Variants in MOB3B observed in about 807,000 individuals in gnomAD.
The protein encoded by MOB3B is MOB kinase activator 3B.
In MOB3B, 7 loss-of-function variants were observed where a neutral mutation model predicts 18.7. The observed-to-expected ratio is 0.37, with a 90% CI of 0.21 to 0.70. The LOEUF is 0.70. Ranked by LOEUF, MOB3B falls within the 30% of genes least tolerant of loss-of-function variation. The pLI is 0.52. For missense variants in MOB3B, 253 were observed against 281.3 expected, an observed-to-expected ratio of 0.90 and a Z score of 0.72; for synonymous variants, 111 against 99.9, an observed-to-expected ratio of 1.11 and a Z score of -0.66.
intron 2 of MOB3B, among the ~76,000 whole-genome samples, chr9:27,406,029 A>G (rs1229222885): frequency 6.6e-6 from 1 of 152,220 alleles, no homozygotes; most frequent in Non-Finnish European, 1.5e-5. Flanking sequence ...AAGAATGCCT[A>G]CTTTCATCAC....
At chr9:27,330,750 G>A (rs1438316544) in intron 3 of MOB3B, 134 bp from the exon 4 acceptor site, 2 of 1,315,606 alleles carry the variant, frequency 1.5e-6, no homozygotes, top group East Asian at 2.5e-5. Context: ...CATGAATAAG[G>A]CTTAGCATGA....
At chr9:27,485,293 A>G (rs1303919715) in intron 1 of MOB3B, among the ~76,000 whole-genome samples, 1 of 152,224 alleles carries the variant, frequency 6.6e-6, no homozygotes, top group African/African-American at 2.4e-5. Flanking sequence ...CTGGCAAGGT[A>G]GGGACTGTGG....
intron 1 of MOB3B, among the ~76,000 whole-genome samples, chr9:27,482,499 T>C (rs1272577526): frequency 6.6e-6 from 1 of 152,208 alleles, no homozygotes. Flanking sequence ...CACCTTAAGT[T>C]ACTCTTTGAG....
intron 1 of MOB3B, among the ~76,000 whole-genome samples, chr9:27,459,412 T>C (rs1819244954): frequency 6.6e-6 from 1 of 152,174 alleles, no homozygotes; most frequent in African/African-American, 2.4e-5. Flanking sequence ...GTGATCTTGT[T>C]AGAAATGTAG....
chr9:27,379,667 G>A (rs1160128119), intron 2 of MOB3B, among the ~76,000 whole-genome samples: 1 of 152,126 alleles, frequency 6.6e-6, no homozygotes, highest in Non-Finnish European at 1.5e-5. Flanking sequence ...GTCCAAGGCA[G>A]GTTCTGAACA....
chr9:27,488,435 T>C (rs959352822), intron 1 of MOB3B, among the ~76,000 whole-genome samples: 1 of 152,194 alleles, frequency 6.6e-6, no homozygotes, highest in East Asian at 1.9e-4. Context: ...TGAGATGGTG[T>C]CTCGCTCTGT....
intron 2 of MOB3B, among the ~76,000 whole-genome samples, chr9:27,393,082 T>C (rs1262995932): frequency 6.6e-6 from 1 of 152,196 alleles, no homozygotes; most frequent in Admixed American, 6.5e-5. Context: ...CTGACGGAGT[T>C]TCACATTAGA....
At chr9:27,460,983 C>T (rs1176320166) in intron 1 of MOB3B, among the ~76,000 whole-genome samples, 3 of 152,142 alleles carry the variant, frequency 2.0e-5, no homozygotes, top group East Asian at 1.9e-4. Context: ...TCACTGAGGC[C>T]GCTGGGATAC....
intron 2 of MOB3B, chr9:27,421,756 T>TGA (rs1419925890): frequency 1.3e-5 from 2 of 152,292 alleles, no homozygotes; most frequent in African/African-American, 4.8e-5. Flanking sequence ...AGAACCTTGG[T>TGA]ATTCACTCTT....
intron 1 of MOB3B, among the ~76,000 whole-genome samples, chr9:27,521,290 G>A (rs76452808): frequency 0.027 from 4,044 of 152,300 alleles, 93 homozygotes; most frequent in African/African-American, 0.055. Flanking sequence ...GAAATTTGGG[G>A]TGAGAGGGCT....
intron 2 of MOB3B, among the ~76,000 whole-genome samples, chr9:27,414,855 C>A (rs938212109): frequency 6.6e-6 from 1 of 151,950 alleles, no homozygotes; most frequent in South Asian, 2.1e-4. Context: ...ATACTCTAAC[C>A]GCAGTTTTAT....
intron 1 of MOB3B, among the ~76,000 whole-genome samples, chr9:27,507,160 C>A (rs1309694910): frequency 2.0e-5 from 3 of 152,038 alleles, no homozygotes; most frequent in Non-Finnish European, 4.4e-5. Context: ...GTTATGATTC[C>A]TCTTTTGCTG....
intron 1 of MOB3B, among the ~76,000 whole-genome samples, chr9:27,492,650 A>G (rs1200980476): frequency 1.3e-5 from 2 of 152,242 alleles, no homozygotes; most frequent in Non-Finnish European, 2.9e-5. Flanking sequence ...GTTTACAGCA[A>G]TTACTAATTG....
intron 2 of MOB3B, among the ~76,000 whole-genome samples, chr9:27,411,313 C>T (rs10738771): frequency 0.58 from 88,786 of 152,050 alleles, 27,099 homozygotes; most frequent in Non-Finnish European, 0.67. Flanking sequence ...CTTCATCCCA[C>T]GCAAGGTTCA....
chr9:27,447,681 C>G (rs1361329301), intron 2 of MOB3B, among the ~76,000 whole-genome samples: 2 of 152,180 alleles, frequency 1.3e-5, no homozygotes, highest in African/African-American at 4.8e-5. Flanking sequence ...AGGCCCTAAA[C>G]AGAGGTATCT....
intron 2 of MOB3B, among the ~76,000 whole-genome samples, chr9:27,402,992 C>T (rs1428366333): frequency 6.6e-6 from 1 of 152,184 alleles, no homozygotes. Flanking sequence ...GCTAAGTTGA[C>T]TCCCTGCATC....
At chr9:27,398,387 A>G (rs1821831194) in intron 2 of MOB3B, among the ~76,000 whole-genome samples, 1 of 151,866 alleles carries the variant, frequency 6.6e-6, no homozygotes, top group Non-Finnish European at 1.5e-5. Flanking sequence ...TATCTAATCT[A>G]GAGTCTTCAT....
chr9:27,339,089 A>G (rs1820904463), intron 3 of MOB3B, among the ~76,000 whole-genome samples: 2 of 152,066 alleles, frequency 1.3e-5, no homozygotes, highest in South Asian at 4.1e-4. Context: ...TCTCCCTGCC[A>G]TGCACTCCCC....
At chr9:27,444,515 T>C (rs1008287338) in intron 2 of MOB3B, among the ~76,000 whole-genome samples, 6 of 152,224 alleles carry the variant, frequency 3.9e-5, no homozygotes, top group Non-Finnish European at 8.8e-5. Flanking sequence ...TAAATTTTTC[T>C]ACTTGAAAAG....
Sources: allele counts gnomAD v4.1 joint callset (sites outside exome capture counted in the v4.1 genomes callset), GRCh38; gene constraint gnomAD v4.1.1; transcripts MANE v1.5; gene names NCBI Gene and HGNC (gene_info 2026-07-23, HGNC 2026-07-21).